Variants in NRXN3 observed in about 807,000 individuals in gnomAD.
NRXN3 encodes the protein neurexin III.
In NRXN3, 32 loss-of-function variants were observed where a neutral mutation model predicts 137.6. That is an observed-to-expected ratio of 0.23 (90% CI 0.18 to 0.31). The LOEUF (loss-of-function observed/expected upper bound fraction) is 0.31, where lower values mean the gene tolerates loss of function less well. Among genes scored for constraint, NRXN3 ranks in the 10% least tolerant of loss-of-function variants. NRXN3 has a pLI of 1.00. For synonymous variants in NRXN3, 798 were observed against 784.5 expected (o/e 1.02, Z -0.29); for missense variants, 1,574 against 2,062.5 (o/e 0.76, Z 4.59).
intron 10 of NRXN3, among the ~76,000 whole-genome samples, chr14:78,829,030 G>A (rs189683261): frequency 1.3e-5 from 2 of 152,142 alleles, no homozygotes; most frequent in African/African-American, 2.4e-5. Context: ...TTGGGAAAGA[G>A]CATTCTGTGC....
chr14:79,408,038 A>C (rs1567041601), intron 15 of NRXN3, among the ~76,000 whole-genome samples: 1 of 152,156 alleles, frequency 6.6e-6, no homozygotes, highest in Non-Finnish European at 1.5e-5. Flanking sequence ...AGTAAGTTGA[A>C]ATTAAGAAGA....
chr14:79,756,438 A>G (rs550555345), intron 19 of NRXN3, among the ~76,000 whole-genome samples: 1 of 152,288 alleles, frequency 6.6e-6, no homozygotes, highest in South Asian at 2.1e-4. Context: ...CAGTTGAAAC[A>G]TCTGAACAAA....
At chr14:79,803,218 A>C (rs1251466194) in intron 19 of NRXN3, among the ~76,000 whole-genome samples, 4 of 152,170 alleles carry the variant, frequency 2.6e-5, no homozygotes, top group Non-Finnish European at 5.9e-5. Flanking sequence ...TGCTGTGTCC[A>C]GTAATTCCAT....
chr14:78,819,455 T>C (rs1371208840), intron 10 of NRXN3, among the ~76,000 whole-genome samples: 2 of 152,092 alleles, frequency 1.3e-5, no homozygotes, highest in Non-Finnish European at 2.9e-5. Context: ...AATTTAGAGA[T>C]TAGAGTATAG....
intron 19 of NRXN3, among the ~76,000 whole-genome samples, chr14:79,750,003 A>G (rs1481988203): frequency 2.0e-5 from 3 of 152,192 alleles, no homozygotes; most frequent in African/African-American, 4.8e-5. Flanking sequence ...ACTTGCTTTC[A>G]GATAATTTTG....
chr14:78,692,996 T>G (rs1316887625), intron 6 of NRXN3, among the ~76,000 whole-genome samples: 2 of 151,966 alleles, frequency 1.3e-5, no homozygotes, highest in Non-Finnish European at 2.9e-5. Flanking sequence ...GGCAGGAGAA[T>G]TCCTTGAACT....
chr14:78,624,510 G>A (rs2097435657), intron 4 of NRXN3, among the ~76,000 whole-genome samples: 2 of 152,234 alleles, frequency 1.3e-5, no homozygotes, highest in Admixed American at 1.3e-4. Context: ...CCACTGCACA[G>A]GGGCGGGGCC....
At chr14:78,546,720 A>G (rs1407132111) in intron 4 of NRXN3, among the ~76,000 whole-genome samples, 1 of 152,204 alleles carries the variant, frequency 6.6e-6, no homozygotes, top group Non-Finnish European at 1.5e-5. Context: ...TGATAATAAC[A>G]ATAGCTAACA....
intron 14 of NRXN3, among the ~76,000 whole-genome samples, chr14:78,987,635 T>G (rs758156869): frequency 1.3e-5 from 2 of 152,128 alleles, no homozygotes; most frequent in Non-Finnish European, 2.9e-5. Context: ...ACACTGTGCC[T>G]TAATTTATAA....
chr14:79,031,371 A>G (rs1382495187), intron 15 of NRXN3, among the ~76,000 whole-genome samples: 1 of 152,174 alleles, frequency 6.6e-6, no homozygotes, highest in Non-Finnish European at 1.5e-5. Flanking sequence ...ACATTATTAG[A>G]ATCAATTTGT....
At chr14:78,441,089 C>A (rs553226870) in intron 4 of NRXN3, among the ~76,000 whole-genome samples, 25 of 152,156 alleles carry the variant, frequency 1.6e-4, no homozygotes, top group African/African-American at 6.0e-4. Flanking sequence ...CAGTCAGGGG[C>A]AGAATTACCC....
intron 16 of NRXN3, among the ~76,000 whole-genome samples, chr14:79,578,419 ATAGC>A (rs1320717919): frequency 1.3e-5 from 2 of 152,100 alleles, no homozygotes; most frequent in Non-Finnish European, 2.9e-5. Flanking sequence ...CCATATATAT[ATAGC>A]TAATCTCGGT....
intron 19 of NRXN3, among the ~76,000 whole-genome samples, chr14:79,760,450 A>T (rs1224195898): frequency 6.7e-6 from 1 of 149,838 alleles, no homozygotes; most frequent in Non-Finnish European, 1.5e-5. Flanking sequence ...CCTCTGTGAG[A>T]AATAACGCAG....
At chr14:79,519,878 A>T (rs912748516) in intron 16 of NRXN3, among the ~76,000 whole-genome samples, 12 of 150,638 alleles carry the variant, frequency 8.0e-5, no homozygotes, top group African/African-American at 2.9e-4. Flanking sequence ...TTTTCAATGC[A>T]TAAGTCTTTA....
intron 15 of NRXN3, among the ~76,000 whole-genome samples, chr14:79,115,697 C>T (rs1017560323): frequency 2.6e-5 from 4 of 152,180 alleles, no homozygotes; most frequent in African/African-American, 9.7e-5. Flanking sequence ...GGAGAAAATA[C>T]TGATCTGATG....
intron 8 of NRXN3, among the ~76,000 whole-genome samples, chr14:78,783,799 G>A (rs755968636): frequency 2.6e-5 from 4 of 152,040 alleles, no homozygotes; most frequent in Non-Finnish European, 5.9e-5. Context: ...TGTAGGCACC[G>A]CCGATAATAA....
At chr14:79,516,144 A>G (rs1039238095) in intron 16 of NRXN3, among the ~76,000 whole-genome samples, 5 of 152,172 alleles carry the variant, frequency 3.3e-5, no homozygotes, top group African/African-American at 7.2e-5. Context: ...TTGCAGATCA[A>G]TTAAAGTCAT....
At chr14:78,706,627 T>A (rs538941736) in intron 6 of NRXN3, among the ~76,000 whole-genome samples, 54 of 152,272 alleles carry the variant, frequency 3.5e-4, no homozygotes, top group Middle Eastern at 3.4e-3. Context: ...AATAAGGCAA[T>A]GATTACAGGT....
Position 78,651,278 on chromosome 14 carries a change from C to G in NRXN3, c.1173C>G (p.Asp391Glu). Residue 391 changes from aspartate (D) to glutamate (E), a missense_variant, in exon 6 of 21, where the codon GAC (aspartate) becomes GAG (glutamate). Coordinates refer to ENST00000335750, the MANE Select transcript of NRXN3 (RefSeq NM_001330195.2). ...TAGGAGGAAGCCCAAGTACCGCTGA[C>G]TTGCCTGGCTCCCCTGTCAGCAACA... ...FYVGGSPSTADLPGSPVSNNF... is the reference protein window; with the variant it reads ...FYVGGSPSTAELPGSPVSNNF... The G allele has an allele frequency of 6.2e-7, 1 of 1,614,112 alleles. No homozygotes were observed. Among genetic ancestry groups the G allele is most frequent in the South Asian group, 1.1e-5 (1 of 91,080 alleles).
Sources: gnomAD v4.1 joint callset for allele counts (sites outside exome capture counted in the v4.1 genomes callset) on GRCh38, gnomAD v4.1.1 for gene constraint, MANE v1.5 for transcripts, NCBI Gene and HGNC (gene_info 2026-07-23, HGNC 2026-07-21) for gene names.